Variants in BCKDHB observed in about 807,000 individuals in gnomAD.
BCKDHB encodes the protein branched chain keto acid dehydrogenase E1 subunit beta, also known as 2-oxoisovalerate dehydrogenase subunit beta, mitochondrial.
BCKDHB carries 41 observed loss-of-function variants against 48.5 expected under a neutral mutation model. The observed-to-expected ratio is 0.85, with a 90% CI of 0.66 to 1.10. The LOEUF (loss-of-function observed/expected upper bound fraction) is 1.10. BCKDHB is among the 50% of genes least tolerant of loss of function. The pLI, the probability that BCKDHB is intolerant of heterozygous loss-of-function variation, is 0.00. For missense variants in BCKDHB, 496 were observed against 494.2 expected, an observed-to-expected ratio of 1.00 and a Z score of -0.03; for synonymous variants, 201 against 174.8, an observed-to-expected ratio of 1.15 and a Z score of -1.18.
chr6:80,366,630 T>C, the BCKDHB span, among the ~76,000 whole-genome samples: 1 of 152,230 alleles, frequency 6.6e-6, no homozygotes, highest in African/African-American at 2.4e-5. Flanking sequence ...CATTTCATAG[T>C]GTAGTGCCCA....
At chr6:80,458,355 C>T in the BCKDHB span, among the ~76,000 whole-genome samples, 1 of 152,204 alleles carries the variant, frequency 6.6e-6, no homozygotes, top group Non-Finnish European at 1.5e-5. Context: ...AATCTGGGCA[C>T]ATGACAGAGG....
At chr6:80,321,999 A>AAT (rs1768751202) in intron 9 of BCKDHB, among the ~76,000 whole-genome samples, 1 of 152,224 alleles carries the variant, frequency 6.6e-6, no homozygotes, top group East Asian at 1.9e-4. Flanking sequence ...AGCAATGATT[A>AAT]ATAGAATGTG....
At chr6:80,448,989 A>G in the BCKDHB span, among the ~76,000 whole-genome samples, 1 of 152,208 alleles carries the variant, frequency 6.6e-6, no homozygotes, top group Non-Finnish European at 1.5e-5. Flanking sequence ...TCATACTTGC[A>G]ACCTGATTAT....
chr6:80,297,612 G>A lies in BCKDHB; in HGVS notation c.1038+24391G>A, dbSNP rs546036777. 1.1e-4 allele frequency among the ~76,000 whole-genome samples: 17 copies of A among 152,154 alleles called. No homozygotes were observed. The South Asian group carries it at 3.5e-3, about 32-fold the overall frequency. ...CAAAACTGATTTCCAAAAATTAAGG[G>A]TCCCATTTTTATTACCAGATCCTGG... On this transcript the variant is annotated intron_variant, in intron 9 of 9. Coordinates refer to ENST00000320393, the MANE Select transcript of BCKDHB (RefSeq NM_183050.4).
chr6:80,457,697 G>A, the BCKDHB span, among the ~76,000 whole-genome samples: 1 of 152,116 alleles, frequency 6.6e-6, no homozygotes, highest in Non-Finnish European at 1.5e-5. Flanking sequence ...CTCATCTACC[G>A]GGAAGTCAGA....
chr6:80,168,810 A>C, intron 4 of BCKDHB, 65 bp from the exon 5 acceptor site: 1 of 700,250 alleles, frequency 1.4e-6, no homozygotes, highest in Non-Finnish European at 2.0e-6. Context: ...AGGGAGGAAG[A>C]ACGGAAGGAG....
chr6:80,363,293 A>C, the BCKDHB span, among the ~76,000 whole-genome samples: 225 of 152,272 alleles, frequency 1.5e-3, no homozygotes, highest in African/African-American at 4.9e-3. Flanking sequence ...TATTCTTTTC[A>C]TTGATGAGAA....
At chr6:80,402,570 C>T in the BCKDHB span, among the ~76,000 whole-genome samples, 1 of 151,830 alleles carries the variant, frequency 6.6e-6, no homozygotes, top group Non-Finnish European at 1.5e-5. Flanking sequence ...TGTCTCTTCA[C>T]TCTGTTGATT....
At chr6:80,384,982 G>A in the BCKDHB span, among the ~76,000 whole-genome samples, 2 of 152,130 alleles carry the variant, frequency 1.3e-5, no homozygotes, top group Non-Finnish European at 2.9e-5. Flanking sequence ...CTGTGAACAA[G>A]GAACTGATAG....
chr6:80,385,603 A>G, the BCKDHB span, among the ~76,000 whole-genome samples: 11 of 152,180 alleles, frequency 7.2e-5, no homozygotes, highest in African/African-American at 2.7e-4. Context: ...CTGAGGCAAC[A>G]GTGATGGCCT....
intron 8 of BCKDHB, among the ~76,000 whole-genome samples, chr6:80,238,967 A>ACAC (rs1776265405): frequency 6.6e-6 from 1 of 152,186 alleles, no homozygotes; most frequent in South Asian, 2.1e-4. Flanking sequence ...TCCATAGTGT[A>ACAC]TATGTGCCAC....
the BCKDHB span, among the ~76,000 whole-genome samples, chr6:80,445,513 G>A: frequency 6.6e-6 from 1 of 152,178 alleles, no homozygotes; most frequent in Non-Finnish European, 1.5e-5. Flanking sequence ...TTACAAGGCA[G>A]AGGTCAGGAG....
intron 8 of BCKDHB, among the ~76,000 whole-genome samples, chr6:80,250,143 C>T (rs1253183239): frequency 6.6e-6 from 1 of 151,984 alleles, no homozygotes; most frequent in Non-Finnish European, 1.5e-5. Context: ...TGACCTCTGC[C>T]GGCCTCCCCA....
At chr6:80,191,091 T>C (rs1193443418) in intron 6 of BCKDHB, among the ~76,000 whole-genome samples, 2 of 152,198 alleles carry the variant, frequency 1.3e-5, no homozygotes, top group African/African-American at 2.4e-5. Flanking sequence ...TTGCATTGTT[T>C]AACCATTTGT....
At chr6:80,209,915 C>T (rs7757610) in intron 8 of BCKDHB, among the ~76,000 whole-genome samples, 11,841 of 151,880 alleles carry the variant, frequency 0.078, 544 homozygotes, top group South Asian at 0.099. Flanking sequence ...AAAGTACTTA[C>T]ACAATCAAAA....
chr6:80,116,876 C>G (rs1003929640), intron 1 of BCKDHB, among the ~76,000 whole-genome samples: 1 of 152,146 alleles, frequency 6.6e-6, no homozygotes, highest in Admixed American at 6.5e-5. Flanking sequence ...AACAGTCTTA[C>G]CAGCAGTACA....
chr6:80,394,585 C>T, the BCKDHB span, among the ~76,000 whole-genome samples: 6 of 152,224 alleles, frequency 3.9e-5, no homozygotes, highest in East Asian at 1.2e-3. Flanking sequence ...CCACTTAAGA[C>T]TGATTGGGAA....
intron 3 of BCKDHB, among the ~76,000 whole-genome samples, chr6:80,154,141 C>G (rs1381803157): frequency 6.6e-6 from 1 of 152,140 alleles, no homozygotes; most frequent in Non-Finnish European, 1.5e-5. Context: ...AAGAATTCCC[C>G]TCTCCTCTAA....
At chr6:80,341,103 G>A (rs3828744) in intron 9 of BCKDHB, among the ~76,000 whole-genome samples, 117,822 of 151,896 alleles carry the variant, frequency 0.78, 46,071 homozygotes, top group Admixed American at 0.84. Flanking sequence ...TTCTTAAAAA[G>A]ACTGATATCC....
Sources: gnomAD v4.1 joint callset for allele counts (sites outside exome capture counted in the v4.1 genomes callset) on GRCh38, gnomAD v4.1.1 for gene constraint, MANE v1.5 for transcripts, NCBI Gene and HGNC (gene_info 2026-07-23, HGNC 2026-07-21) for gene names.